Variants in SDCCAG8 observed in about 807,000 individuals in gnomAD.
SDCCAG8 encodes the protein serologically defined colon cancer antigen 8.
In SDCCAG8, 74 loss-of-function variants were observed where a neutral mutation model predicts 101.8. The observed-to-expected ratio is 0.73, with a 90% CI of 0.60 to 0.88. The LOEUF is 0.88. Among genes scored for constraint, SDCCAG8 ranks in the 40% least tolerant of loss-of-function variants. The pLI is 0.00. For missense variants in SDCCAG8, 787 were observed against 822.6 expected, an observed-to-expected ratio of 0.96 and a Z score of 0.53; for synonymous variants, 281 against 292.9, an observed-to-expected ratio of 0.96 and a Z score of 0.41.
chr1:243,258,924 A>G (rs1186303364), intron 1 of SDCCAG8, among the ~76,000 whole-genome samples: 1 of 152,192 alleles, frequency 6.6e-6, no homozygotes, highest in African/African-American at 2.4e-5. Flanking sequence ...TGCGTAGTTT[A>G]TGATTAATGG....
chr1:243,337,598 T>G (rs2147769404), intron 10 of SDCCAG8, among the ~76,000 whole-genome samples: 1 of 152,290 alleles, frequency 6.6e-6, no homozygotes, highest in Middle Eastern at 3.4e-3. Context: ...CTCTCTAAGT[T>G]TCAGAGGAGT....
chr1:243,275,866 T>TG, intron 4 of SDCCAG8, among the ~76,000 whole-genome samples: 1 of 134,842 alleles, frequency 7.4e-6, no homozygotes, highest in East Asian at 2.1e-4. Context: ...GTTTTTTTTT[T>TG]TTTTTTTTTT....
At chr1:243,342,097 A>G (rs1056188069) in intron 11 of SDCCAG8, among the ~76,000 whole-genome samples, 18 of 152,134 alleles carry the variant, frequency 1.2e-4, no homozygotes, top group Non-Finnish European at 1.2e-4. Flanking sequence ...AAAAATTCCT[A>G]TTAGCTAATG....
At chr1:243,393,019 G>A (rs956300100) in intron 13 of SDCCAG8, among the ~76,000 whole-genome samples, 4 of 152,146 alleles carry the variant, frequency 2.6e-5, no homozygotes, top group African/African-American at 9.7e-5. Context: ...ATAAAAAAGG[G>A]AACAGATGCA....
intron 6 of SDCCAG8, among the ~76,000 whole-genome samples, chr1:243,304,466 A>G (rs1294249110): frequency 2.6e-5 from 4 of 152,180 alleles, no homozygotes; most frequent in Non-Finnish European, 1.5e-5. Context: ...ACTTTTAGGG[A>G]TAAGACCTGA....
chr1:243,337,191 A>G (rs1319432008), intron 10 of SDCCAG8, among the ~76,000 whole-genome samples: 1 of 152,156 alleles, frequency 6.6e-6, no homozygotes, highest in East Asian at 1.9e-4. Context: ...TGTATATGGT[A>G]AAGGGTAAAA....
At chr1:243,404,353 A>G (rs931502391) in intron 13 of SDCCAG8, among the ~76,000 whole-genome samples, 4 of 152,228 alleles carry the variant, frequency 2.6e-5, no homozygotes, top group Admixed American at 6.5e-5. Context: ...AGAAATGGCT[A>G]GAGGAAGAGA....
At chr1:243,430,074 T>C (rs1053395463) in intron 16 of SDCCAG8, among the ~76,000 whole-genome samples, 3 of 151,968 alleles carry the variant, frequency 2.0e-5, no homozygotes, top group Non-Finnish European at 4.4e-5. Context: ...CCTCAAACCA[T>C]CCTCCCGCCT....
intron 13 of SDCCAG8, among the ~76,000 whole-genome samples, chr1:243,413,437 C>T (rs189873583): frequency 5.1e-4 from 78 of 152,290 alleles, no homozygotes; most frequent in Admixed American, 1.6e-3. Context: ...AACTCCTGGC[C>T]TTAAGTGATC....
chr1:243,426,804 G>A (rs2148044440), intron 16 of SDCCAG8, among the ~76,000 whole-genome samples: 1 of 152,248 alleles, frequency 6.6e-6, no homozygotes, highest in South Asian at 2.1e-4. Flanking sequence ...ATTTAACATG[G>A]AAGAATGGAG....
intron 13 of SDCCAG8, among the ~76,000 whole-genome samples, chr1:243,399,533 GT>G (rs2147967517): frequency 6.6e-6 from 1 of 151,872 alleles, no homozygotes; most frequent in Non-Finnish European, 1.5e-5. Context: ...TATTGCTGGA[GT>G]CTCACTCTGT....
chr1:243,464,400 G>A (rs976528675), intron 16 of SDCCAG8, among the ~76,000 whole-genome samples: 1 of 152,096 alleles, frequency 6.6e-6, no homozygotes, highest in Non-Finnish European at 1.5e-5. Flanking sequence ...GACTAATATA[G>A]TTAGCATTTG....
chr1:243,449,760 A>C (rs2148123165), intron 16 of SDCCAG8, among the ~76,000 whole-genome samples: 1 of 152,262 alleles, frequency 6.6e-6, no homozygotes, highest in Middle Eastern at 3.4e-3. Flanking sequence ...GTTAGGCCCG[A>C]CTGGACCATG....
chr1:243,496,376 T>G (rs1457120565), intron 17 of SDCCAG8, among the ~76,000 whole-genome samples: 1 of 152,188 alleles, frequency 6.6e-6, no homozygotes, highest in Non-Finnish European at 1.5e-5. Flanking sequence ...GGGGCTGCCC[T>G]GGAGCTCTGT....
intron 13 of SDCCAG8, among the ~76,000 whole-genome samples, chr1:243,390,784 T>C (rs2078653250): frequency 6.6e-6 from 1 of 152,162 alleles, no homozygotes; most frequent in African/African-American, 2.4e-5. Context: ...TCAGGTTCAA[T>C]GAAAATAGGA....
At chr1:243,379,658 C>T (rs987862883) in intron 13 of SDCCAG8, among the ~76,000 whole-genome samples, 12 of 152,096 alleles carry the variant, frequency 7.9e-5, no homozygotes, top group South Asian at 4.1e-4. Flanking sequence ...AGTTTTATTA[C>T]GATTTTGCAG....
intron 13 of SDCCAG8, among the ~76,000 whole-genome samples, chr1:243,411,002 A>G (rs569801461): frequency 6.6e-6 from 1 of 152,348 alleles, no homozygotes; most frequent in Admixed American, 6.5e-5. Context: ...TGAAGAAAAC[A>G]TTGACATGGC....
At chr1:243,444,350 A>T (rs1397852206) in intron 16 of SDCCAG8, among the ~76,000 whole-genome samples, 1 of 151,900 alleles carries the variant, frequency 6.6e-6, no homozygotes, top group Admixed American at 6.6e-5. Flanking sequence ...TTGCGGCACT[A>T]AAGTTTTTTT....
chr1:243,468,113 A>G (rs1245908898), intron 16 of SDCCAG8, among the ~76,000 whole-genome samples: 1 of 152,118 alleles, frequency 6.6e-6, no homozygotes, highest in African/African-American at 2.4e-5. Flanking sequence ...CAGCTTTACC[A>G]CTTACTACCC....
Sources: allele counts gnomAD v4.1 joint callset (sites outside exome capture counted in the v4.1 genomes callset), GRCh38; gene constraint gnomAD v4.1.1; transcripts MANE v1.5; gene names NCBI Gene and HGNC (gene_info 2026-07-23, HGNC 2026-07-21).